ULK2: variants seen among roughly 807,000 people sequenced by gnomAD.
The protein encoded by ULK2 is unc-51 like autophagy activating kinase 2.
Under a neutral mutation model 127.5 loss-of-function variants are expected in ULK2, and 76 were observed. That is an observed-to-expected ratio of 0.60 (90% confidence interval 0.50 to 0.72). The LOEUF is 0.72. ULK2 is among the 30% of genes least tolerant of loss of function. The pLI is 0.00. For missense variants in ULK2, 1,144 were observed against 1,295.9 expected (o/e 0.88, Z 1.80); for synonymous variants, 452 against 461.9 (o/e 0.98, Z 0.28).
At chr17:19,783,349 G>C (rs9891047) in intron 22 of ULK2, among the ~76,000 whole-genome samples, 6,382 of 151,926 alleles carry the variant, frequency 0.042, 375 homozygotes, top group African/African-American at 0.13. Flanking sequence ...TACTCGTGGG[G>C]GCTGAGGCAG....
intron 1 of ULK2, among the ~76,000 whole-genome samples, chr17:19,867,074 G>A (rs1021949880): frequency 7.2e-5 from 11 of 152,196 alleles, no homozygotes; most frequent in South Asian, 4.1e-4. Context: ...TCCTGCGGGC[G>A]GACCGCGGGG....
At chr17:19,851,171 A>C (rs1324903085) in intron 3 of ULK2, among the ~76,000 whole-genome samples, 1 of 149,670 alleles carries the variant, frequency 6.7e-6, no homozygotes, top group East Asian at 2.0e-4. Flanking sequence ...AAAAAAAAAA[A>C]AAAAAATTAG....
At chr17:19,847,009 G>T (rs761098132) in intron 5 of ULK2, 99 bp from the exon 6 acceptor site, 23 of 1,095,828 alleles carry the variant, frequency 2.1e-5, no homozygotes, top group East Asian at 5.6e-5. Flanking sequence ...GAGCATGAAG[G>T]GAATGAGGAA....
chr17:19,781,817 A>C, intron 23 of ULK2, 72 bp downstream of exon 23: 1 of 1,514,088 alleles, frequency 6.6e-7, no homozygotes, highest in Non-Finnish European at 8.9e-7. Flanking sequence ...GTGGATGACA[A>C]TACCTACAAC....
At chr17:19,853,917 C>T (rs1219100977) in intron 3 of ULK2, among the ~76,000 whole-genome samples, 1 of 152,276 alleles carries the variant, frequency 6.6e-6, no homozygotes, top group East Asian at 1.9e-4. Flanking sequence ...AGGATTTCAA[C>T]ATATGAATTT....
At chr17:19,793,783 A>G (rs913973293) in intron 20 of ULK2, among the ~76,000 whole-genome samples, 1 of 152,224 alleles carries the variant, frequency 6.6e-6, no homozygotes, top group Non-Finnish European at 1.5e-5. Context: ...CAGTTTTTAA[A>G]CAAAGTACAT....
intron 3 of ULK2, among the ~76,000 whole-genome samples, chr17:19,852,287 C>T (rs1020963109): frequency 1.9e-4 from 29 of 151,550 alleles, no homozygotes; most frequent in African/African-American, 6.3e-4. Context: ...TTTGGGAGGC[C>T]GAGACAGGCG....
intron 10 of ULK2, among the ~76,000 whole-genome samples, chr17:19,836,104 T>TA (rs56884283): frequency 0.023 from 2,750 of 117,898 alleles, 57 homozygotes; most frequent in African/African-American, 0.064. Flanking sequence ...CCATCTCTAC[T>TA]AAAAAAAAAA....
At chr17:19,829,026 C>CCACT (rs2041363708) in intron 10 of ULK2, among the ~76,000 whole-genome samples, 1 of 152,112 alleles carries the variant, frequency 6.6e-6, no homozygotes, top group African/African-American at 2.4e-5. Flanking sequence ...TGAGATTGTG[C>CCACT]CACTGCACTC....
intron 8 of ULK2, among the ~76,000 whole-genome samples, chr17:19,842,292 G>A (rs1389158618): frequency 6.8e-6 from 1 of 146,432 alleles, no homozygotes; most frequent in Non-Finnish European, 1.5e-5. Context: ...TCGCCTCCCA[G>A]GTTCAAGCGA....
At chr17:19,805,969 C>A (rs2087507000) in intron 14 of ULK2, among the ~76,000 whole-genome samples, 1 of 152,192 alleles carries the variant, frequency 6.6e-6, no homozygotes, top group African/African-American at 2.4e-5. Flanking sequence ...TCTCTCTATA[C>A]ATTTTTATTT....
intron 6 of ULK2, among the ~76,000 whole-genome samples, chr17:19,845,742 TA>T (rs527870888): frequency 3.3e-5 from 5 of 151,220 alleles, no homozygotes; most frequent in African/African-American, 1.2e-4. Flanking sequence ...GAGGTACTAC[TA>T]AAAAAAAACT....
In ULK2 at chr17:19,826,623, G is replaced by A. The variant is rs1025624529; in HGVS notation, c.788-437C>T. On this transcript the variant is annotated intron_variant, in intron 10 of 26. Coordinates refer to ENST00000395544, the MANE Select transcript of ULK2 (RefSeq NM_014683.4). ...TGATTTATACAACAAACTATCCTTC[G>A]CCCCTACAAGTATTCCTGATGCTGG... Among the ~76,000 whole-genome samples the A allele has an allele frequency of 4.6e-5, 7 of 151,988 alleles. No homozygotes were observed. In the South Asian group the frequency reaches 6.2e-4, roughly 14 times the overall value.
chr17:19,849,684 TAA>T (rs11295844), intron 4 of ULK2, 56 bp downstream of exon 4: 20,420 of 951,840 alleles, frequency 0.021, 1 homozygote, highest in East Asian at 0.05. Flanking sequence ...TGCTAGAATC[TAA>T]AAAAAAAAAA....
chr17:19,800,292 T>A (rs1403101075), intron 16 of ULK2, among the ~76,000 whole-genome samples: 1 of 151,948 alleles, frequency 6.6e-6, no homozygotes, highest in African/African-American at 2.4e-5. Context: ...TCCATTTCTC[T>A]GAGAATTAAA....
chr17:19,801,872 G>A lies in ULK2; in HGVS notation c.1346C>T (p.Pro449Leu), dbSNP rs772476901. ...SNTSPMGFLR[P>L]GSCSPVPADT... ...TGCTGGTACTGGGGAGCATGATCCCGGCCGGAGGAAGCCCATGGGGCTGGT... is the reference window on the plus strand; with the variant it reads ...TGCTGGTACTGGGGAGCATGATCCCAGCCGGAGGAAGCCCATGGGGCTGGT... The change falls in exon 16 of 27, where the codon CCG becomes CTG. Residue 449 changes from proline (P) to leucine (L), a missense_variant. Pro to Leu is a moderately conservative substitution (Grantham distance 98). Around this residue, in one of 2 missense-constraint regions of ULK2, gnomAD observed 913 missense variants for 970.5 expected, o/e 0.94. Coordinates refer to ENST00000395544, the MANE Select transcript of ULK2 (RefSeq NM_014683.4). The A allele has an allele frequency of 2.3e-5, 37 of 1,613,964 alleles. No individual in the cohort carries two copies. Among genetic ancestry groups the A allele is most frequent in the East Asian group, 2.2e-4 (10 of 44,892 alleles).
At chr17:19,848,560 C>T (rs577288646) in intron 5 of ULK2, among the ~76,000 whole-genome samples, 15 of 152,088 alleles carry the variant, frequency 9.9e-5, no homozygotes, top group Non-Finnish European at 1.9e-4. Context: ...GGGCCGATCA[C>T]GAGGTCAGGA....
In ULK2 at chr17:19,780,470, A is replaced by T; in HGVS notation, c.2916+2T>A. 1 of 1,607,134 alleles carries T rather than the reference A, an allele frequency of 6.2e-7. No homozygotes were observed. The highest frequency in any genetic ancestry group is 8.5e-7 in the Non-Finnish European group (1 of 1,177,552). ...ACAATATTAAACCTTAGAAAGGGTT[A>T]CCATTTCTACAGCACAATTATAGAT... On this transcript the variant is annotated splice_donor_variant, in intron 25 of 26. Transcript: ENST00000395544. LOFTEE classifies it high-confidence loss of function.
At chr17:19,824,213 G>T (rs186482303) in intron 12 of ULK2, among the ~76,000 whole-genome samples, 1 of 152,276 alleles carries the variant, frequency 6.6e-6, no homozygotes, top group East Asian at 1.9e-4. Flanking sequence ...GGGAGGCCAA[G>T]GCGGGCAGAT....
Sources: gnomAD v4.1 joint callset for allele counts (sites outside exome capture counted in the v4.1 genomes callset) on GRCh38, gnomAD v4.1.1 for gene constraint, gnomAD v4.1.1 regional missense constraint, MANE v1.5 for transcripts, NCBI Gene and HGNC (gene_info 2026-07-23, HGNC 2026-07-21) for gene names.